The following NIPAL3 variants were observed in gnomAD, a reference collection of about 807,000 sequenced individuals.
NIPAL3 encodes the protein NIPA like domain containing 3, also known as NIPA-like protein 3.
NIPAL3 carries 41 observed loss-of-function variants against 47.2 expected under a neutral mutation model. The observed-to-expected ratio is 0.87, with a 90% CI of 0.68 to 1.13. The LOEUF is 1.13. NIPAL3 is among the 50% of genes most tolerant of loss of function. NIPAL3 has a pLI of 0.00. For missense variants in NIPAL3, 449 were observed against 530.1 expected, an observed-to-expected ratio of 0.85 and a Z score of 1.50; for synonymous variants, 194 against 209.6, an observed-to-expected ratio of 0.93 and a Z score of 0.64.
Position 24,440,213 on chromosome 1 carries a change from C to G in NIPAL3, c.135C>G (p.Leu45=), listed in dbSNP as rs865934081. 1 of 1,597,316 alleles carries G rather than the reference C, an allele frequency of 6.3e-7. No homozygotes were observed. The change falls in exon 3 of 12, where the codon CTC becomes CTG. Residue 45 remains leucine, a synonymous_variant. Transcript: ENST00000374399. ...IGALLAIFGH[L]VVSIALNLQK... is the part of the protein sequence containing the mutation. ...CCCTCTTGGCGATCTTCGGGCACCT[C>G]GTGGTCAGCATTGCACTTAACCTCC...
intron 5 of NIPAL3, among the ~76,000 whole-genome samples, chr1:24,446,603 A>G (rs1645680744): frequency 6.6e-6 from 1 of 152,126 alleles, no homozygotes; most frequent in Non-Finnish European, 1.5e-5. Flanking sequence ...AAAGGATATG[A>G]TATCATTTTT....
chr1:24,459,631 A>G (rs1646378560), intron 9 of NIPAL3, among the ~76,000 whole-genome samples: 1 of 152,268 alleles, frequency 6.6e-6, no homozygotes, highest in Admixed American at 6.5e-5. Context: ...ATGCTCTGCC[A>G]ACACTTAAGA....
In NIPAL3 at chr1:24,470,598, G is replaced by C. The variant is rs1181257962; in HGVS notation, c.*1413G>C. The C allele has an allele frequency of 6.6e-6, 1 of 152,168 alleles. No individual in the cohort carries two copies. Among genetic ancestry groups the C allele is most frequent in the African/African-American group, 2.4e-5 (1 of 41,416 alleles). 9.4% of individuals were successfully genotyped at this position (152,168 alleles called of 1,614,324 possible). On this transcript the variant is annotated 3_prime_UTR_variant, in exon 12 of 12. Coordinates refer to ENST00000374399, the MANE Select transcript of NIPAL3 (RefSeq NM_020448.5). ...TTGGAAGGTTAAATACTCCCCATAGGATCTGTGGCATTTCTCCATCCAATG... is the reference window on the plus strand; with the variant it reads ...TTGGAAGGTTAAATACTCCCCATAGCATCTGTGGCATTTCTCCATCCAATG...
At chr1:24,424,547 C>A (rs185464294) in intron 2 of NIPAL3, among the ~76,000 whole-genome samples, 4 of 152,190 alleles carry the variant, frequency 2.6e-5, no homozygotes, top group Non-Finnish European at 5.9e-5. Flanking sequence ...TCTCCTTTCT[C>A]GATTTTGTTA....
rs2148740592 is a variant in NIPAL3 at position 24,419,618 on chromosome 1, G to A, written c.71G>A (p.Ser24Asn). Reference protein sequence around the residue: ...LPPTSSSSAVSEASFSYKENL... With the variant: ...LPPTSSSSAVNEASFSYKENL... The stretch of plus-strand genomic sequence containing the variant: ...CCCACAAGTAGCTCCAGCGCCGTAA[G>A]CGAGGCCTCCTTCTCCTACAAGGCA... The change falls in exon 2 of 12, where the codon AGC becomes AAC. Residue 24 changes from serine to asparagine, a missense_variant. Transcript: ENST00000374399. The A allele has an allele frequency of 1.2e-6, 2 of 1,614,078 alleles. No homozygotes were observed. The highest frequency in any genetic ancestry group is 2.2e-5 in the South Asian group (2 of 91,032).
chr1:24,454,013 A>G lies in NIPAL3; in HGVS notation c.637+509A>G. The G allele has an allele frequency of 2.1e-6, 1 of 469,192 alleles. No individual in the cohort carries two copies. 29.1% of individuals were successfully genotyped at this position (469,192 alleles called of 1,614,324 possible). On this transcript the variant is annotated intron_variant, in intron 7 of 11. Transcript: ENST00000374399. The surrounding 1 kb of genome is among the most constrained non-coding windows in gnomAD (Gnocchi z 4.1). ...GCTCCTGAATCAGCTTGAGGCTAGA[A>G]CTGCATATTAATTTTTCCTTTTTTT... is the stretch of plus-strand genomic sequence containing the variant.
At chr1:24,466,954 T>C (rs1272459219) in intron 11 of NIPAL3, among the ~76,000 whole-genome samples, 1 of 152,148 alleles carries the variant, frequency 6.6e-6, no homozygotes. Context: ...TCCCAGGCCA[T>C]TTGCAGAGTG....
At chr1:24,442,001 AG>A (rs1645411030) in intron 3 of NIPAL3, 53 bp from the exon 4 acceptor site, 1 of 1,582,164 alleles carries the variant, frequency 6.3e-7, no homozygotes, top group Admixed American at 1.7e-5. Flanking sequence ...CCTACATCAT[AG>A]CATTTTTTTC....
At position 24,456,304 on chromosome 1, in the gene NIPAL3, C is replaced by G. The variant is rs766290025; in HGVS notation, c.773+31C>G. ...TTACAAATCCTTTTCCTGCTGGGCC[C>G]TGCCATTCGGGCTGCTTCTCTTTTG... On this transcript the variant is annotated intron_variant, in intron 8 of 11. Coordinates refer to ENST00000374399, the MANE Select transcript of NIPAL3 (RefSeq NM_020448.5). The G allele has an allele frequency of 4.3e-6, 7 of 1,613,876 alleles. No homozygotes were observed. The African/African-American group carries it at 8.0e-5, about 18-fold the overall frequency.
At chr1:24,427,842 A>G (rs1644666835) in intron 2 of NIPAL3, among the ~76,000 whole-genome samples, 3 of 152,216 alleles carry the variant, frequency 2.0e-5, no homozygotes, top group Non-Finnish European at 1.5e-5. Context: ...AAGCCTCAGA[A>G]GCAAAAGTTC....
In NIPAL3 at chr1:24,453,492, G is replaced by T; in HGVS notation, c.625G>T (p.Val209Leu). ...ANNIVVILLLVALLGSMTVVT... is the reference protein window; with the variant it reads ...ANNIVVILLLLALLGSMTVVT... The stretch of plus-strand genomic sequence containing the variant: ...CAACATTGTCGTGATTCTTCTCTTG[G>T]TGGCGTTACTTGGTAAGTTGGCATC... Residue 209 changes from valine (V) to leucine (L), a missense_variant, in exon 7 of 12, where the codon GTG becomes TTG. Physicochemically the swap from Val to Leu is conservative, Grantham distance 32. Transcript: ENST00000374399. The T allele has an allele frequency of 6.2e-7, 1 of 1,613,280 alleles. No individual in the cohort carries two copies.
intron 11 of NIPAL3, among the ~76,000 whole-genome samples, chr1:24,466,772 C>A (rs1646715759): frequency 6.6e-6 from 1 of 152,182 alleles, no homozygotes; most frequent in Non-Finnish European, 1.5e-5. Context: ...GTAATCCAGG[C>A]CTGTTAAGCC....
At chr1:24,453,654 G>C (rs1646049706) in intron 7 of NIPAL3, 150 bp downstream of exon 7, 2 of 669,394 alleles carry the variant, frequency 3.0e-6, no homozygotes, top group Admixed American at 2.6e-5. Context: ...GCTCTGGGGA[G>C]CTGGGTCCCT....
intron 2 of NIPAL3, among the ~76,000 whole-genome samples, chr1:24,421,196 C>T (rs1157820204): frequency 1.3e-5 from 2 of 151,738 alleles, no homozygotes; most frequent in East Asian, 1.9e-4. Flanking sequence ...AGGGCACCTA[C>T]CACACAAAAA....
At position 24,469,456 on chromosome 1, in the gene NIPAL3, T is replaced by G; in HGVS notation, c.*271T>G. The G allele has an allele frequency of 2.6e-6, 1 of 382,648 alleles. No individual in the cohort carries two copies. The highest frequency in any genetic ancestry group is 4.7e-6 in the Non-Finnish European group (1 of 210,902). 23.7% of individuals were successfully genotyped at this position (382,648 alleles called of 1,614,324 possible). A position where few individuals can be genotyped will look rare whatever the true frequency, so the allele number is the denominator to read the frequency against. Reference sequence around the variant, plus strand: ...TAGCCCAGGGGGATTTGGAAAGCCTTTCTACCATCCTTGAGGATGGTAACT... The same window carrying G: ...TAGCCCAGGGGGATTTGGAAAGCCTGTCTACCATCCTTGAGGATGGTAACT... On this transcript the variant is annotated 3_prime_UTR_variant, in exon 12 of 12. Coordinates refer to ENST00000374399, the MANE Select transcript of NIPAL3 (RefSeq NM_020448.5).
intron 2 of NIPAL3, among the ~76,000 whole-genome samples, chr1:24,435,255 T>G (rs2148790636): frequency 6.6e-6 from 1 of 152,328 alleles, no homozygotes; most frequent in African/African-American, 2.4e-5. Flanking sequence ...GCATAAAAAT[T>G]AACTCAAAAT....
intron 4 of NIPAL3, 123 bp downstream of exon 4, chr1:24,442,349 T>C (rs1414279129): frequency 2.9e-6 from 3 of 1,039,966 alleles, no homozygotes; most frequent in Admixed American, 2.4e-5. Context: ...AATAGCCTAA[T>C]ACAAAGGGCT....
intron 2 of NIPAL3, among the ~76,000 whole-genome samples, chr1:24,437,023 G>A (rs570277651): frequency 6.6e-6 from 1 of 152,036 alleles, no homozygotes; most frequent in East Asian, 1.9e-4. Context: ...AGGCCGAAGC[G>A]GTCGGATCAT....
chr1:24,469,025 C>T lies in NIPAL3; in HGVS notation c.1061C>T (p.Pro354Leu). 6.2e-7 allele frequency: 1 copy of T among 1,614,184 alleles called. No individual in the cohort carries two copies. The highest frequency in any genetic ancestry group is 8.5e-7 in the Non-Finnish European group (1 of 1,180,040). Residue 354 changes from proline (P) to leucine (L), a missense_variant, in exon 12 of 12, where the codon CCT becomes CTT. Pro to Leu is a moderately conservative substitution (Grantham distance 98). Coordinates refer to ENST00000374399, the MANE Select transcript of NIPAL3 (RefSeq NM_020448.5). The stretch of plus-strand genomic sequence containing the variant: ...CACGATAAAGGGATGACTGTCCAGC[C>T]TGAACTTAAAGCTTCTTTTTCCTAT... ...NMHDKGMTVQ[P>L]ELKASFSYGA...
Sources: gnomAD v4.1 joint callset for allele counts (sites outside exome capture counted in the v4.1 genomes callset) on GRCh38, gnomAD v4.1.1 for gene constraint, Gnocchi (gnomAD v3.1) non-coding constraint, MANE v1.5 for transcripts, NCBI Gene and HGNC (gene_info 2026-07-23, HGNC 2026-07-21) for gene names.